Variants in MATR3 observed in about 807,000 individuals in gnomAD.
MATR3 encodes matrin 3, also known as matrin-3.
Under a neutral mutation model 85.5 loss-of-function variants are expected in MATR3, and 4 were observed. That is an observed-to-expected ratio of 0.05 (90% CI 0.02 to 0.11). The LOEUF (loss-of-function observed/expected upper bound fraction) is 0.11, where lower values mean the gene tolerates loss of function less well. MATR3 is among the 10% of genes least tolerant of loss of function. The pLI is 1.00. For missense variants in MATR3, 685 were observed against 1,016.1 expected, an observed-to-expected ratio of 0.67 and a Z score of 4.43; for synonymous variants, 336 against 343.1, an observed-to-expected ratio of 0.98 and a Z score of 0.23.
intron 5 of MATR3, among the ~76,000 whole-genome samples, chr5:139,316,722 A>G (rs968118936): frequency 6.6e-6 from 1 of 151,842 alleles, no homozygotes; most frequent in Non-Finnish European, 1.5e-5. Flanking sequence ...GCTAATTTTT[A>G]TATTTTTGGT....
intron 1 of MATR3, among the ~76,000 whole-genome samples, chr5:139,297,755 G>T (rs1270254862): frequency 6.6e-6 from 1 of 152,112 alleles, no homozygotes; most frequent in East Asian, 1.9e-4. Context: ...AGGCTCTTTG[G>T]AAGTGGAAAA....
At chr5:139,305,493 C>T (rs530093487) in intron 1 of MATR3, among the ~76,000 whole-genome samples, 1 of 152,122 alleles carries the variant, frequency 6.6e-6, no homozygotes, top group Non-Finnish European at 1.5e-5. Flanking sequence ...CCTGATACTT[C>T]AACATTTTTA....
intron 2 of MATR3, chr5:139,314,382 G>A: frequency 2.7e-6 from 1 of 371,580 alleles, no homozygotes; most frequent in Non-Finnish European, 5.2e-6. Flanking sequence ...CTCAAGGTTA[G>A]TTACTACTCT....
intron 9 of MATR3, among the ~76,000 whole-genome samples, chr5:139,320,809 G>T (rs534405221): frequency 7.2e-6 from 1 of 139,348 alleles, no homozygotes; most frequent in South Asian, 2.2e-4. Context: ...GTGCAGTGGT[G>T]CAATCTCAGC....
rs770337392 is a variant in MATR3, at chr5:139,317,011, GTA to G, written c.1130-39_1130-38del. The G allele has an allele frequency of 5.7e-5, 90 of 1,567,272 alleles. No individual in the cohort carries two copies. In the South Asian group the frequency reaches 6.1e-4, roughly 11 times the overall value. On this transcript the variant is annotated intron_variant, in intron 5 of 14. Transcript: ENST00000394805. ...TCAGTAAAATTGCTTCTTTAAGCAA[GTA>G]TAGTGATTACAAGACTGAAAACTTT...
At chr5:139,315,816 A>G (rs935473003) in intron 4 of MATR3, 78 bp downstream of exon 4, 3 of 1,200,680 alleles carry the variant, frequency 2.5e-6, no homozygotes, top group Non-Finnish European at 3.7e-6. Flanking sequence ...AACATTTCAT[A>G]AACAAAGTAT....
At chr5:139,321,705 C>T (rs1480083689) in intron 9 of MATR3, 193 bp from the exon 10 acceptor site, 2 of 601,990 alleles carry the variant, frequency 3.3e-6, no homozygotes, top group African/African-American at 1.9e-5. Flanking sequence ...ATCAGTTGGG[C>T]CCAGTACATC....
chr5:139,325,338 G>A, intron 12 of MATR3, 102 bp from the exon 13 acceptor site: 1 of 1,577,460 alleles, frequency 6.3e-7, no homozygotes, highest in Non-Finnish European at 8.6e-7. Context: ...CACTCTAGAT[G>A]AGGTTGGTGA....
chr5:139,328,730 G>GAT (rs773558603), intron 14 of MATR3, among the ~76,000 whole-genome samples: 8 of 152,174 alleles, frequency 5.3e-5, no homozygotes, highest in Non-Finnish European at 5.9e-5. Flanking sequence ...GGCCAGATGT[G>GAT]ATAGCTCTTG....
chr5:139,311,750 C>CTTTTTTTTTTTTTTTTTTTTTT (rs552172719), intron 2 of MATR3: 3 of 65,236 alleles, frequency 4.6e-5, no homozygotes, highest in Non-Finnish European at 7.7e-5. Context: ...TTAATTAATC[C>CTTTTTTTTTTTTTTTTTTTTTT]TTTTTTTTTT....
intron 1 of MATR3, among the ~76,000 whole-genome samples, chr5:139,304,965 A>C (rs1754634458): frequency 6.6e-6 from 1 of 152,226 alleles, no homozygotes; most frequent in Non-Finnish European, 1.5e-5. Context: ...CAATGTTGCC[A>C]CATCTGGTTT....
chr5:139,296,479 T>C (rs1754159303), intron 1 of MATR3, among the ~76,000 whole-genome samples: 1 of 152,210 alleles, frequency 6.6e-6, no homozygotes, highest in African/African-American at 2.4e-5. Flanking sequence ...AGAAATAACA[T>C]CAACTTTTGT....
chr5:139,309,958 T>TA (rs1754889234), intron 2 of MATR3: 1 of 152,186 alleles, frequency 6.6e-6, no homozygotes, highest in South Asian at 2.1e-4. Context: ...AATAGATAGT[T>TA]ACAAGTGTCT....
intron 2 of MATR3, chr5:139,312,592 C>T (rs992077855): frequency 3.9e-5 from 6 of 152,198 alleles, no homozygotes; most frequent in African/African-American, 1.4e-4. Flanking sequence ...TAGCTTCCAA[C>T]ATTTTAAGGA....
At chr5:139,325,185 T>TC (rs2152020544) in intron 12 of MATR3, 2 of 1,421,434 alleles carry the variant, frequency 1.4e-6, no homozygotes, top group South Asian at 2.9e-5. Flanking sequence ...AGAGCAAGAC[T>TC]CCGTCTCAAA....
intron 9 of MATR3, 136 bp downstream of exon 9, chr5:139,319,637 C>A (rs531657931): frequency 1.4e-6 from 1 of 710,786 alleles, no homozygotes; most frequent in African/African-American, 1.8e-5. Context: ...CACCTGAGGT[C>A]AGGAGTTCGA....
At chr5:139,314,763 A>G (rs375042224) in intron 3 of MATR3, 27 bp downstream of exon 3, 2 of 1,599,032 alleles carry the variant, frequency 1.3e-6, no homozygotes, top group African/African-American at 1.3e-5. Context: ...CCTTTAAAAC[A>G]TCCTTATCGT....
In MATR3 at chr5:139,303,182, G is replaced by A. The variant is rs183099602; in HGVS notation, c.-177-4057G>A. Among the ~76,000 whole-genome samples, 4 of 152,196 alleles carry A rather than the reference G, an allele frequency of 2.6e-5. No individual in the cohort carries two copies. The East Asian group carries it at 7.7e-4, about 29-fold the overall frequency. Reference sequence around the variant, plus strand: ...AGTGCCCCAATCTCGGCTCAGTGCAGCCTCCATCTCCCAGGTTCAAGTGAT... The same window carrying A: ...AGTGCCCCAATCTCGGCTCAGTGCAACCTCCATCTCCCAGGTTCAAGTGAT... On this transcript the variant is annotated intron_variant, in intron 1 of 14. Coordinates refer to ENST00000394805, the MANE Select transcript of MATR3 (RefSeq NM_018834.6).
At chr5:139,327,311 T>G (rs1397184076) in intron 14 of MATR3, among the ~76,000 whole-genome samples, 1 of 152,026 alleles carries the variant, frequency 6.6e-6, no homozygotes, top group Non-Finnish European at 1.5e-5. Context: ...TCTGTTTTTT[T>G]TTTTTTTTTT....
Sources: gnomAD v4.1 joint callset for allele counts (sites outside exome capture counted in the v4.1 genomes callset) on GRCh38, gnomAD v4.1.1 for gene constraint, MANE v1.5 for transcripts, NCBI Gene and HGNC (gene_info 2026-07-23, HGNC 2026-07-21) for gene names.